Variants in NAA11 observed in about 807,000 individuals in gnomAD.
NAA11 encodes the protein N-alpha-acetyltransferase 11, NatA catalytic subunit.
A neutral mutation model predicts 16.1 loss-of-function variants in NAA11; 15 were observed. The observed-to-expected ratio is 0.93, with a 90% confidence interval of 0.62 to 1.44. The LOEUF (loss-of-function observed/expected upper bound fraction) is 1.44, where lower values mean the gene tolerates loss of function less well. Among genes scored for constraint, NAA11 ranks in the 40% most tolerant of loss-of-function variants. The probability of loss-of-function intolerance (pLI) is 0.00; values close to 1 mark genes in which losing one functional copy is unlikely to be tolerated. For missense variants in NAA11, 298 were observed against 291.3 expected (o/e 1.02, Z -0.17); for synonymous variants, 122 against 112.4 (o/e 1.09, Z -0.54).
chr4:79,256,919 A>G (rs1297535021), intron 2 of NAA11, among the ~76,000 whole-genome samples: 1 of 151,922 alleles, frequency 6.6e-6, no homozygotes, highest in Non-Finnish European at 1.5e-5. Context: ...GATTACAGAC[A>G]TGAGCCACCA....
At chr4:79,275,668 T>C (rs979063002) in intron 2 of NAA11, among the ~76,000 whole-genome samples, 11 of 152,122 alleles carry the variant, frequency 7.2e-5, no homozygotes, top group African/African-American at 2.7e-4. Context: ...GTGAAGCAAA[T>C]GGGTTATCCT....
the NAA11 span, among the ~76,000 whole-genome samples, chr4:79,159,967 T>C: frequency 6.6e-6 from 1 of 151,870 alleles, no homozygotes; most frequent in Non-Finnish European, 1.5e-5. Flanking sequence ...TTCATCTAGA[T>C]AGATATTTGA....
the NAA11 span, among the ~76,000 whole-genome samples, chr4:79,157,586 CGT>C: frequency 3.6e-4 from 54 of 151,032 alleles, no homozygotes; most frequent in Non-Finnish European, 5.5e-4. Flanking sequence ...TACATATATA[CGT>C]GTGTGTGTAT....
chr4:79,235,152 G>C (rs957763930), intron 2 of NAA11, among the ~76,000 whole-genome samples: 1 of 152,072 alleles, frequency 6.6e-6, no homozygotes, highest in Non-Finnish European at 1.5e-5. Flanking sequence ...GAAGCCATGA[G>C]CAGGTTCCAA....
chr4:79,167,264 T>G, the NAA11 span, among the ~76,000 whole-genome samples: 6 of 120,256 alleles, frequency 5.0e-5, no homozygotes, highest in East Asian at 9.3e-4. Flanking sequence ...CATATATATA[T>G]ATATATAGAG....
the NAA11 span, among the ~76,000 whole-genome samples, chr4:79,191,211 T>C: frequency 5.9e-5 from 9 of 152,298 alleles, no homozygotes; most frequent in East Asian, 1.5e-3. Flanking sequence ...CTGGGTTGAA[T>C]GGTAGTTCTG....
chr4:79,288,116 A>G (rs998907382), intron 2 of NAA11, among the ~76,000 whole-genome samples: 4 of 152,198 alleles, frequency 2.6e-5, no homozygotes, highest in Non-Finnish European at 2.9e-5. Context: ...GAACTGGTGC[A>G]GAAGATTCTC....
chr4:79,231,932 A>T (rs6826564), intron 2 of NAA11, among the ~76,000 whole-genome samples: 106,748 of 150,144 alleles, frequency 0.71, 40,111 homozygotes, highest in East Asian at 0.89. Context: ...ATATATATGA[A>T]ATAATATATA....
At chr4:79,226,999 G>A (rs956974660) in intron 2 of NAA11, among the ~76,000 whole-genome samples, 5 of 152,058 alleles carry the variant, frequency 3.3e-5, no homozygotes, top group Admixed American at 6.6e-5. Flanking sequence ...CTGAGGAATC[G>A]CCACACTGTC....
the NAA11 span, among the ~76,000 whole-genome samples, chr4:79,202,085 T>C: frequency 6.6e-6 from 1 of 151,630 alleles, no homozygotes; most frequent in Admixed American, 6.6e-5. Context: ...CCCTTCCTTC[T>C]GTCCTTCTCA....
At chr4:79,159,220 G>A in the NAA11 span, among the ~76,000 whole-genome samples, 1 of 152,092 alleles carries the variant, frequency 6.6e-6, no homozygotes, top group African/African-American at 2.4e-5. Flanking sequence ...GAATCTACAA[G>A]GAACTCAAAT....
chr4:79,248,454 ACT>A (rs549512505), intron 2 of NAA11, among the ~76,000 whole-genome samples: 93 of 151,838 alleles, frequency 6.1e-4, no homozygotes, highest in Non-Finnish European at 4.1e-4. Flanking sequence ...GTGTGAGCAC[ACT>A]CTGCCCCCTG....
chr4:79,312,286 T>C (rs751167908), downstream of NAA11, among the ~76,000 whole-genome samples: 1 of 152,212 alleles, frequency 6.6e-6, no homozygotes, highest in Admixed American at 6.5e-5. Context: ...GTTCTGGTAA[T>C]GAAAAACCAA....
chr4:79,320,360 C>T (rs556166444), intron 1 of NAA11, among the ~76,000 whole-genome samples: 1 of 152,192 alleles, frequency 6.6e-6, no homozygotes, highest in African/African-American at 2.4e-5. Flanking sequence ...GTTACTCTTA[C>T]TATCGATTAT....
the NAA11 span, among the ~76,000 whole-genome samples, chr4:79,185,687 G>A: frequency 6.6e-6 from 1 of 152,130 alleles, no homozygotes; most frequent in South Asian, 2.1e-4. Context: ...AAGCAATATG[G>A]TATTCTCTCC....
chr4:79,229,316 T>G (rs1250414093), intron 2 of NAA11, among the ~76,000 whole-genome samples: 3 of 151,980 alleles, frequency 2.0e-5, no homozygotes, highest in African/African-American at 7.2e-5. Context: ...TTCAGAAGAC[T>G]CTCCTTGTCA....
At chr4:79,194,342 C>A in the NAA11 span, among the ~76,000 whole-genome samples, 1 of 151,990 alleles carries the variant, frequency 6.6e-6, no homozygotes, top group Non-Finnish European at 1.5e-5. Flanking sequence ...GATTTCTCAG[C>A]GCACTGACAC....
At chr4:79,228,005 T>G (rs1362481431) in intron 2 of NAA11, 1 of 152,026 alleles carries the variant, frequency 6.6e-6, no homozygotes, top group Non-Finnish European at 1.5e-5. Context: ...AGTTGTCTTT[T>G]CCATCTTGTG....
intron 2 of NAA11, among the ~76,000 whole-genome samples, chr4:79,245,893 A>G (rs1225884778): frequency 1.3e-5 from 2 of 152,252 alleles, no homozygotes; most frequent in East Asian, 3.8e-4. Context: ...CCAACAGCTC[A>G]TTGAGAACGG....
Sources: allele counts gnomAD v4.1 joint callset (sites outside exome capture counted in the v4.1 genomes callset), GRCh38; gene constraint gnomAD v4.1.1; transcripts MANE v1.5; gene names NCBI Gene and HGNC (gene_info 2026-07-23, HGNC 2026-07-21).